Variants in ZNF532 observed in about 807,000 individuals in gnomAD.
ZNF532 encodes the protein zinc finger protein 532.
Under a neutral mutation model 89.3 loss-of-function variants are expected in ZNF532, and 22 were observed. The observed-to-expected ratio is 0.25, with a 90% CI of 0.18 to 0.35. The LOEUF is 0.35. Among genes scored for constraint, ZNF532 ranks in the 10% least tolerant of loss-of-function variants. ZNF532 has a pLI of 1.00. For synonymous variants in ZNF532, 606 were observed against 649.6 expected, an observed-to-expected ratio of 0.93 and a Z score of 1.02; for missense variants, 1,132 against 1,643.4, an observed-to-expected ratio of 0.69 and a Z score of 5.38.
intron 2 of ZNF532, among the ~76,000 whole-genome samples, chr18:58,871,149 A>AT (rs2144596712): frequency 6.6e-6 from 1 of 152,314 alleles, no homozygotes; most frequent in South Asian, 2.1e-4. Context: ...AGGGCAGAAG[A>AT]TTCCCAGGAA....
rs942488701 is a variant in ZNF532, at chr18:58,985,217, G to A, written c.*751G>A. The A allele has an allele frequency of 1.3e-5, 2 of 152,162 alleles. No homozygotes were observed. The highest frequency in any genetic ancestry group is 2.9e-5 in the Non-Finnish European group (2 of 68,028). 9.4% of individuals were successfully genotyped at this position (152,162 alleles called of 1,614,324 possible). On this transcript the variant is annotated 3_prime_UTR_variant, in exon 10 of 10. Coordinates refer to ENST00000591808, the MANE Select transcript of ZNF532 (RefSeq NM_001375912.1). The stretch of plus-strand genomic sequence containing the variant: ...AGAAAAAAATGGGATTTGTTTTCTC[G>A]GCAGATCTGCAAGGCTGGCTTTAAG...
intron 2 of ZNF532, among the ~76,000 whole-genome samples, chr18:58,899,616 G>C (rs535432100): frequency 6.6e-6 from 1 of 151,934 alleles, no homozygotes; most frequent in African/African-American, 2.4e-5. Context: ...CTACAGGTGC[G>C]AGCCACCACG....
chr18:58,878,052 C>A (rs914787148), intron 2 of ZNF532, among the ~76,000 whole-genome samples: 1 of 151,968 alleles, frequency 6.6e-6, no homozygotes, highest in Non-Finnish European at 1.5e-5. Flanking sequence ...GTCAGGAGTT[C>A]GAGACCAGTC....
upstream of ZNF532, chr18:58,863,501 C>G (rs1323760706): frequency 7.1e-4 from 1 of 1,414 alleles, no homozygotes; most frequent in African/African-American, 3.2e-3. Flanking sequence ...GCCGCCCGGG[C>G]CGAGCCGCCG....
chr18:58,930,117 A>G (rs2061826178), intron 3 of ZNF532, among the ~76,000 whole-genome samples: 2 of 152,122 alleles, frequency 1.3e-5, no homozygotes, highest in Admixed American at 1.3e-4. Flanking sequence ...ACTCTCATGT[A>G]CCTCTCCCAG....
chr18:58,940,923 TACACACACACACACACACACAC>T (rs200614911), intron 5 of ZNF532, among the ~76,000 whole-genome samples: 3 of 118,594 alleles, frequency 2.5e-5, no homozygotes, highest in Admixed American at 1.7e-4. Flanking sequence ...TGCCATATTT[TACACACACACACACACACACAC>T]ACACACACAC....
rs148485739 is a variant in ZNF532 at position 58,969,302 on chromosome 18, A to C, written c.3151-9753A>C. On this transcript the variant is annotated intron_variant, in intron 7 of 9. Transcript: ENST00000591808. ...GAGGAAAGTTCTGTCCAGTCTGCCA[A>C]ATCCAGCAAGTCCATGTTAATGTCC... is the stretch of plus-strand genomic sequence containing the variant. Among the ~76,000 whole-genome samples, 818 of 152,260 alleles carry C rather than the reference A, an allele frequency of 5.4e-3. 7 individuals are homozygous for C. The highest frequency in any genetic ancestry group is 0.019 in the African/African-American group (775 of 41,546).
Position 58,918,842 on chromosome 18 carries a change from C to G in ZNF532, c.555C>G (p.Ser185Arg). 6.2e-7 allele frequency: 1 copy of G among 1,614,126 alleles called. No individual in the cohort carries two copies. Among genetic ancestry groups the G allele is most frequent in the South Asian group, 1.1e-5 (1 of 91,082 alleles). The change falls in exon 3 of 10, where the codon AGC becomes AGG. Residue 185 changes from serine (S) to arginine (R), a missense_variant. Ser to Arg is a moderately radical substitution (Grantham distance 110). Coordinates refer to ENST00000591808, the MANE Select transcript of ZNF532 (RefSeq NM_001375912.1). ...AGGCACTCGGAGGGGAAAACTCCAG[C>G]AAAACTGGACTCTCTACGTCAGGCA... ...KLKALGGENSSKTGLSTSGNV... is the reference protein window; with the variant it reads ...KLKALGGENSRKTGLSTSGNV...
At chr18:58,881,479 G>A (rs1333088902) in intron 2 of ZNF532, among the ~76,000 whole-genome samples, 2 of 152,192 alleles carry the variant, frequency 1.3e-5, no homozygotes, top group Non-Finnish European at 2.9e-5. Flanking sequence ...TCTGCAAGGG[G>A]CACGCAAGTT....
intron 2 of ZNF532, among the ~76,000 whole-genome samples, chr18:58,880,772 G>GCGCACA: frequency 7.8e-6 from 1 of 127,618 alleles, no homozygotes; most frequent in African/African-American, 3.1e-5. Flanking sequence ...ACGCGCGCGC[G>GCGCACA]TCTGTGTGTG....
intron 3 of ZNF532, among the ~76,000 whole-genome samples, chr18:58,927,436 C>T (rs2061615740): frequency 6.8e-6 from 1 of 147,192 alleles, no homozygotes; most frequent in Non-Finnish European, 1.5e-5. Flanking sequence ...AGAGCACAGG[C>T]TTTTCTTGGG....
chr18:58,961,492 T>C (rs895228397), intron 7 of ZNF532, among the ~76,000 whole-genome samples: 2 of 152,234 alleles, frequency 1.3e-5, no homozygotes, highest in Non-Finnish European at 2.9e-5. Context: ...GCCTGGTCTT[T>C]ACACGCTCGT....
chr18:58,930,178 T>A (rs572462725), intron 3 of ZNF532, among the ~76,000 whole-genome samples: 1 of 152,332 alleles, frequency 6.6e-6, no homozygotes, highest in Non-Finnish European at 1.5e-5. Flanking sequence ...TTATTTTTCT[T>A]ATTACTCAGC....
chr18:58,963,741 A>G (rs756046124), intron 7 of ZNF532, among the ~76,000 whole-genome samples: 12 of 150,718 alleles, frequency 8.0e-5, no homozygotes, highest in Non-Finnish European at 1.6e-4. Context: ...GAGGATTGCT[A>G]GAGCCCAGAG....
intron 2 of ZNF532, among the ~76,000 whole-genome samples, chr18:58,888,725 AAAT>A (rs1442225711): frequency 3.3e-4 from 10 of 29,922 alleles, no homozygotes; most frequent in African/African-American, 2.1e-3. Flanking sequence ...ATATATATAT[AAAT>A]TATATATATA....
chr18:58,867,945 G>C (rs545453687), intron 2 of ZNF532, among the ~76,000 whole-genome samples: 5 of 152,344 alleles, frequency 3.3e-5, no homozygotes, highest in Admixed American at 3.3e-4. Context: ...GAAGGTCTAG[G>C]AAGGAGGTTG....
rs774609866 is a variant in ZNF532, at chr18:58,953,812, T to C, written c.3150+13T>C. 2 of 1,607,914 alleles carry C rather than the reference T, an allele frequency of 1.2e-6. No individual in the cohort carries two copies. Among genetic ancestry groups the C allele is most frequent in the Admixed American group, 1.7e-5 (1 of 59,486 alleles). On this transcript the variant is annotated intron_variant, in intron 7 of 9. Transcript: ENST00000591808. ...GGAGCACGGGAAGGTCAGTAAAGAA[T>C]GAAAGCTGCTCTGGGTGAGTGCAAG...
intron 6 of ZNF532, 100 bp downstream of exon 6, chr18:58,948,329 G>A (rs2063835163): frequency 2.4e-6 from 3 of 1,232,844 alleles, no homozygotes; most frequent in Non-Finnish European, 3.4e-6. Flanking sequence ...ATGCCTCACT[G>A]TCGAGGGAAG....
intron 3 of ZNF532, among the ~76,000 whole-genome samples, chr18:58,924,291 G>A (rs1603147869): frequency 1.3e-5 from 2 of 152,358 alleles, no homozygotes; most frequent in South Asian, 4.1e-4. Flanking sequence ...CCTGACCTGT[G>A]CTTTCTGGGG....
Sources: allele counts gnomAD v4.1 joint callset (sites outside exome capture counted in the v4.1 genomes callset), GRCh38; gene constraint gnomAD v4.1.1; transcripts MANE v1.5; gene names NCBI Gene and HGNC (gene_info 2026-07-23, HGNC 2026-07-21).